The following PRKCA variants were observed in gnomAD, a reference collection of about 807,000 sequenced individuals.
The protein encoded by PRKCA is protein kinase C alpha.
Under a neutral mutation model 87.0 loss-of-function variants are expected in PRKCA, and 27 were observed. The ratio of observed to expected loss-of-function variants is 0.31; its 90% CI spans 0.23 to 0.43. The LOEUF is 0.43. PRKCA is among the 20% of genes least tolerant of loss of function. PRKCA has a pLI of 1.00. For missense variants in PRKCA, 518 were observed against 852.3 expected (o/e 0.61, Z 4.88); for synonymous variants, 329 against 311.1 (o/e 1.06, Z -0.61).
chr17:66,711,469 A>T (rs1175305929), intron 8 of PRKCA, among the ~76,000 whole-genome samples: 1 of 152,108 alleles, frequency 6.6e-6, no homozygotes, highest in Non-Finnish European at 1.5e-5. Flanking sequence ...CAACCATTCT[A>T]TCCCCAAACT....
At chr17:66,714,845 G>A (rs1440046300) in intron 8 of PRKCA, among the ~76,000 whole-genome samples, 2 of 152,180 alleles carry the variant, frequency 1.3e-5, no homozygotes, top group Non-Finnish European at 2.9e-5. Context: ...TGACACAGAG[G>A]GCCCAGAGAA....
Position 66,462,925 on chromosome 17 carries a change from A to AACACAC in PRKCA, c.206-33240_206-33235dup, listed in dbSNP as rs58085398. On this transcript the variant is annotated intron_variant, in intron 2 of 16. Transcript: ENST00000413366. The stretch of plus-strand genomic sequence containing the variant: ...ACACACATGCACGTGCACACATGCA[A>AACACAC]ACACACACACACACACACACACACA... Among the ~76,000 whole-genome samples, 620 of 147,630 alleles carry AACACAC rather than the reference A, an allele frequency of 4.2e-3. 5 individuals carry two copies. Among genetic ancestry groups the AACACAC allele is most frequent in the Non-Finnish European group, 6.3e-3 (418 of 66,264 alleles).
At chr17:66,508,496 C>T (rs1917075640) in intron 3 of PRKCA, among the ~76,000 whole-genome samples, 1 of 152,164 alleles carries the variant, frequency 6.6e-6, no homozygotes, top group African/African-American at 2.4e-5. Context: ...CATCACTGTC[C>T]TCAGCATTCC....
At chr17:66,592,777 C>T (rs925924945) in intron 3 of PRKCA, among the ~76,000 whole-genome samples, 2 of 151,598 alleles carry the variant, frequency 1.3e-5, no homozygotes, top group Non-Finnish European at 3.0e-5. Flanking sequence ...CAAAAAACAT[C>T]GATTCATTTT....
intron 2 of PRKCA, among the ~76,000 whole-genome samples, chr17:66,353,306 A>G (rs114863861): frequency 0.014 from 2,089 of 152,222 alleles, 54 homozygotes; most frequent in African/African-American, 0.048. Context: ...TGCTTTTGGT[A>G]ACCTTCTATT....
chr17:66,357,971 C>G (rs1908160819), intron 2 of PRKCA, among the ~76,000 whole-genome samples: 1 of 149,670 alleles, frequency 6.7e-6, no homozygotes, highest in Admixed American at 6.6e-5. Context: ...AAAAGAGTAA[C>G]AAAAATTATG....
chr17:66,693,039 G>A (rs1447210154), intron 8 of PRKCA, among the ~76,000 whole-genome samples: 1 of 152,212 alleles, frequency 6.6e-6, no homozygotes, highest in Non-Finnish European at 1.5e-5. Flanking sequence ...GGATGAAAGG[G>A]AAACCAAACG....
At chr17:66,765,263 A>G (rs1974771829) in intron 13 of PRKCA, among the ~76,000 whole-genome samples, 1 of 151,474 alleles carries the variant, frequency 6.6e-6, no homozygotes, top group Non-Finnish European at 1.5e-5. Context: ...AAATATAAAA[A>G]TTAGCCAGGC....
At chr17:66,531,206 C>G (rs964553848) in intron 3 of PRKCA, among the ~76,000 whole-genome samples, 2 of 152,226 alleles carry the variant, frequency 1.3e-5, no homozygotes, top group African/African-American at 2.4e-5. Flanking sequence ...CCTGCATGTT[C>G]ATCTGCACAG....
intron 14 of PRKCA, among the ~76,000 whole-genome samples, chr17:66,785,973 C>G (rs900347284): frequency 4.6e-5 from 7 of 152,184 alleles, no homozygotes; most frequent in Admixed American, 6.5e-5. Flanking sequence ...GGACTACAGG[C>G]GCTCGCCACC....
At chr17:66,632,330 G>GA (rs886097806) in intron 3 of PRKCA, among the ~76,000 whole-genome samples, 1 of 151,974 alleles carries the variant, frequency 6.6e-6, no homozygotes, top group Non-Finnish European at 1.5e-5. Context: ...TATCAATCTA[G>GA]AAAAAAACTG....
chr17:66,784,969 C>A (rs1975342679), intron 14 of PRKCA, among the ~76,000 whole-genome samples: 1 of 152,346 alleles, frequency 6.6e-6, no homozygotes, highest in East Asian at 1.9e-4. Context: ...CCCTCACAGG[C>A]AGGCTCATTT....
At chr17:66,731,973 A>G (rs1555642122) in intron 8 of PRKCA, among the ~76,000 whole-genome samples, 1 of 150,924 alleles carries the variant, frequency 6.6e-6, no homozygotes, top group South Asian at 2.1e-4. Context: ...TATTTTTGGT[A>G]GAGACGGGGT....
intron 2 of PRKCA, among the ~76,000 whole-genome samples, chr17:66,355,204 C>T (rs1907979376): frequency 6.6e-6 from 1 of 152,116 alleles, no homozygotes; most frequent in Non-Finnish European, 1.5e-5. Context: ...GAAAGGGCTT[C>T]ATTAAAACTG....
At chr17:66,443,603 C>T (rs1913880775) in intron 2 of PRKCA, among the ~76,000 whole-genome samples, 1 of 152,170 alleles carries the variant, frequency 6.6e-6, no homozygotes, top group South Asian at 2.1e-4. Flanking sequence ...CTCTATGAAA[C>T]TGAGTCCACA....
chr17:66,517,364 C>G (rs1967001358), intron 3 of PRKCA, among the ~76,000 whole-genome samples: 1 of 152,120 alleles, frequency 6.6e-6, no homozygotes, highest in African/African-American at 2.4e-5. Context: ...CCTTTCTTCC[C>G]CTCCTCGCCC....
chr17:66,630,730 C>G (rs1970987196), intron 3 of PRKCA, among the ~76,000 whole-genome samples: 1 of 152,170 alleles, frequency 6.6e-6, no homozygotes, highest in African/African-American at 2.4e-5. Context: ...AAAATTACAT[C>G]TACAAGGTGG....
At chr17:66,466,827 G>C (rs942621396) in intron 2 of PRKCA, among the ~76,000 whole-genome samples, 5 of 151,792 alleles carry the variant, frequency 3.3e-5, no homozygotes, top group Non-Finnish European at 5.9e-5. Context: ...TGGGGTCAAA[G>C]AAGGGAAGTC....
At chr17:66,739,768 G>A (rs1598909139) in intron 11 of PRKCA, among the ~76,000 whole-genome samples, 1 of 152,162 alleles carries the variant, frequency 6.6e-6, no homozygotes, top group South Asian at 2.1e-4. Context: ...GAGGGGCGGG[G>A]GAAGGGGGGA....
Sources: allele counts gnomAD v4.1 joint callset (sites outside exome capture counted in the v4.1 genomes callset), GRCh38; gene constraint gnomAD v4.1.1; transcripts MANE v1.5; gene names NCBI Gene and HGNC (gene_info 2026-07-23, HGNC 2026-07-21).